Variants in CSMD1 observed in about 807,000 individuals in gnomAD.
CSMD1 encodes the protein CUB and Sushi multiple domains 1.
A neutral mutation model predicts 417.5 loss-of-function variants in CSMD1; 213 were observed. That is an observed-to-expected ratio of 0.51 (90% CI 0.46 to 0.57). The LOEUF is 0.57. CSMD1 is among the 20% of genes least tolerant of loss of function. The pLI is 0.00. For synonymous variants in CSMD1, 2,862 were observed against 1,736.8 expected, an observed-to-expected ratio of 1.65 and a Z score of -16.11; for missense variants, 6,923 against 4,529.7, an observed-to-expected ratio of 1.53 and a Z score of -15.17.
chr8:3,774,634 T>C (rs1233233440), intron 5 of CSMD1, among the ~76,000 whole-genome samples: 1 of 152,200 alleles, frequency 6.6e-6, no homozygotes, highest in Admixed American at 6.5e-5. Flanking sequence ...ACTATCTTTG[T>C]TGAACTGTGG....
At chr8:3,854,340 C>G (rs900028168) in intron 5 of CSMD1, among the ~76,000 whole-genome samples, 2 of 151,392 alleles carry the variant, frequency 1.3e-5, no homozygotes, top group Non-Finnish European at 2.9e-5. Context: ...AGTCTTTTTT[C>G]AGATAAATTC....
chr8:4,994,589 C>T lies in CSMD1; in HGVS notation c.-173G>A. On this transcript the variant is annotated 5_prime_UTR_variant, in exon 1 of 70. Coordinates refer to ENST00000635120, the MANE Select transcript of CSMD1 (RefSeq NM_033225.6). ...AGGTCTGGGCGCCCGGCTCGCTTCC[C>T]TCTCATAGCATCGGGTCCCGAGCCA... 1.6e-6 allele frequency: 1 copy of T among 621,996 alleles called. No homozygotes were observed. The highest frequency in any genetic ancestry group is 2.9e-6 in the Non-Finnish European group (1 of 346,786). 38.5% of individuals were successfully genotyped at this position (621,996 alleles called of 1,614,324 possible).
In CSMD1 at chr8:4,780,485, C is replaced by A. The variant is rs1398429375; in HGVS notation, c.86-142927G>T. ...CTCTCTCTGGCTCCTTTATATAGCC[C>A]TTTTAACCTTTTATCTGAAGAAAAG... On this transcript the variant is annotated intron_variant, in intron 1 of 69. Coordinates refer to ENST00000635120, the MANE Select transcript of CSMD1 (RefSeq NM_033225.6). 2.6e-5 allele frequency among the ~76,000 whole-genome samples: 4 copies of A among 152,228 alleles called. No individual in the cohort carries two copies. The East Asian group carries it at 5.8e-4, about 22-fold the overall frequency.
chr8:3,634,043 G>C (rs960634741), intron 7 of CSMD1, among the ~76,000 whole-genome samples: 3 of 151,762 alleles, frequency 2.0e-5, no homozygotes, highest in Non-Finnish European at 2.9e-5. Flanking sequence ...GTGAAATAAA[G>C]GGCTGACTCA....
intron 5 of CSMD1, among the ~76,000 whole-genome samples, chr8:3,893,100 T>G (rs1176125793): frequency 1.3e-5 from 2 of 151,680 alleles, no homozygotes; most frequent in East Asian, 3.9e-4. Flanking sequence ...TTCTATTATC[T>G]CTGCAAAAAA....
intron 5 of CSMD1, among the ~76,000 whole-genome samples, chr8:3,819,332 T>C (rs1325610383): frequency 6.6e-6 from 1 of 152,060 alleles, no homozygotes; most frequent in Admixed American, 6.6e-5. Context: ...GAGTGACAGG[T>C]AGGAGATTCA....
At chr8:3,147,739 T>A (rs1041084276) in intron 40 of CSMD1, among the ~76,000 whole-genome samples, 2 of 152,226 alleles carry the variant, frequency 1.3e-5, no homozygotes, top group African/African-American at 4.8e-5. Context: ...CCATAACGTC[T>A]GTTTCTTGTT....
At chr8:3,662,494 A>G (rs552386172) in intron 7 of CSMD1, among the ~76,000 whole-genome samples, 2 of 152,314 alleles carry the variant, frequency 1.3e-5, no homozygotes, top group East Asian at 3.9e-4. Flanking sequence ...GTGCTGCAAT[A>G]AACATATGTG....
At chr8:3,223,948 G>A (rs77891455) in intron 27 of CSMD1, 81 bp from the exon 28 acceptor site, 3 of 1,389,812 alleles carry the variant, frequency 2.2e-6, no homozygotes, top group South Asian at 1.3e-5. Context: ...AGACACCACA[G>A]AATTCTTTAA....
intron 1 of CSMD1, among the ~76,000 whole-genome samples, chr8:4,664,158 T>G (rs1232619089): frequency 1.3e-5 from 2 of 152,222 alleles, no homozygotes; most frequent in Admixed American, 6.5e-5. Context: ...AAGAGAGAGA[T>G]ACTCTCCCTG....
At chr8:3,990,938 T>C (rs67070783) in intron 5 of CSMD1, among the ~76,000 whole-genome samples, 32,009 of 152,156 alleles carry the variant, frequency 0.21, 3,543 homozygotes, top group African/African-American at 0.28. Context: ...GGTGAAAGCA[T>C]CATCTCTAGA....
At chr8:3,296,236 G>C (rs952219834) in intron 25 of CSMD1, among the ~76,000 whole-genome samples, 1 of 151,912 alleles carries the variant, frequency 6.6e-6, no homozygotes, top group African/African-American at 2.4e-5. Context: ...CAGCCTTGAA[G>C]GAGTTAAGGG....
intron 3 of CSMD1, among the ~76,000 whole-genome samples, chr8:4,363,561 G>C (rs566570070): frequency 6.6e-6 from 1 of 152,122 alleles, no homozygotes; most frequent in African/African-American, 2.4e-5. Context: ...ACAGATTGTA[G>C]GAAACAGGAG....
chr8:4,259,869 CTTAAG>C (rs1803747355), intron 3 of CSMD1, among the ~76,000 whole-genome samples: 2 of 152,158 alleles, frequency 1.3e-5, no homozygotes, highest in South Asian at 2.1e-4. Context: ...AATATTGCAG[CTTAAG>C]TTAATTTATT....
intron 5 of CSMD1, among the ~76,000 whole-genome samples, chr8:3,816,488 T>C (rs943110987): frequency 6.6e-6 from 1 of 152,194 alleles, no homozygotes; most frequent in African/African-American, 2.4e-5. Context: ...CTGTGCCTAA[T>C]TTATAAATTA....
At chr8:4,646,552 C>T (rs993611033) in intron 1 of CSMD1, among the ~76,000 whole-genome samples, 1 of 152,136 alleles carries the variant, frequency 6.6e-6, no homozygotes, top group Non-Finnish European at 1.5e-5. Flanking sequence ...GTAAAACTAC[C>T]AGTTGCCTGA....
chr8:3,027,107 T>A (rs1001889058), intron 51 of CSMD1, among the ~76,000 whole-genome samples: 3 of 152,166 alleles, frequency 2.0e-5, no homozygotes, highest in Admixed American at 6.5e-5. Flanking sequence ...TAGTACAATT[T>A]AAAAAATTTT....
intron 10 of CSMD1, among the ~76,000 whole-genome samples, chr8:3,547,301 T>C (rs1460107200): frequency 1.3e-5 from 2 of 152,184 alleles, no homozygotes; most frequent in Non-Finnish European, 2.9e-5. Context: ...GAAAATGAAA[T>C]GAATGTGTGC....
At chr8:4,325,614 G>A (rs974674262) in intron 3 of CSMD1, among the ~76,000 whole-genome samples, 1 of 152,126 alleles carries the variant, frequency 6.6e-6, no homozygotes, top group East Asian at 1.9e-4. Context: ...CAACATGAAA[G>A]CATCTGAAGA....
Sources: allele counts gnomAD v4.1 joint callset (sites outside exome capture counted in the v4.1 genomes callset), GRCh38; gene constraint gnomAD v4.1.1; transcripts MANE v1.5; gene names NCBI Gene and HGNC (gene_info 2026-07-23, HGNC 2026-07-21).